Variants in PTPRU observed in about 807,000 individuals in gnomAD.
The protein encoded by PTPRU is receptor-type tyrosine-protein phosphatase U.
Under a neutral mutation model 166.3 loss-of-function variants are expected in PTPRU, and 69 were observed. The observed-to-expected ratio is 0.41, with a 90% CI of 0.34 to 0.51. The LOEUF (loss-of-function observed/expected upper bound fraction) is 0.51, where lower values mean the gene tolerates loss of function less well. PTPRU is among the 20% of genes least tolerant of loss of function. The probability of loss-of-function intolerance (pLI) is 0.09; values close to 1 mark genes in which losing one functional copy is unlikely to be tolerated. For synonymous variants in PTPRU, 793 were observed against 814.0 expected, an observed-to-expected ratio of 0.97 and a Z score of 0.44; for missense variants, 1,657 against 2,013.7, an observed-to-expected ratio of 0.82 and a Z score of 3.39.
At chr1:29,293,471 G>GTTT (rs201996423) in intron 15 of PTPRU, among the ~76,000 whole-genome samples, 36 of 135,348 alleles carry the variant, frequency 2.7e-4, no homozygotes, top group East Asian at 1.2e-3. Flanking sequence ...TTCGGGGGTA[G>GTTT]TTTTTTGTTT....
intron 11 of PTPRU, among the ~76,000 whole-genome samples, chr1:29,281,524 C>T (rs547587755): frequency 1.8e-4 from 28 of 152,260 alleles, no homozygotes; most frequent in Admixed American, 6.5e-4. Context: ...GGGCATGTCC[C>T]GTTACCTTCC....
At chr1:29,284,080 G>A (rs963509863) in intron 13 of PTPRU, 104 bp downstream of exon 13, 5 of 1,454,826 alleles carry the variant, frequency 3.4e-6, no homozygotes, top group Admixed American at 1.7e-5. Context: ...GTAGAGGAGG[G>A]TGGTTGGGCA....
chr1:29,259,570 C>A lies in PTPRU; in HGVS notation c.675+6C>A. On this transcript the variant is annotated splice_donor_region_variant and intron_variant, in intron 5 of 29. Transcript: ENST00000373779. The stretch of plus-strand genomic sequence containing the variant: ...CCGAACGCTTCCTCTTGCAAGTGAG[C>A]GGGAGCGGTGATCTTGGCTGGGGGC... The A allele has an allele frequency of 2.6e-6, 1 of 383,248 alleles. No individual in the cohort carries two copies. Among genetic ancestry groups the A allele is most frequent in the South Asian group, 2.1e-5 (1 of 48,440 alleles). 23.7% of individuals were successfully genotyped at this position (383,248 alleles called of 1,614,324 possible). A position where few individuals can be genotyped will look rare whatever the true frequency, so the allele number is the denominator to read the frequency against.
In PTPRU at chr1:29,317,534, G is replaced by A. The variant is rs562776399; in HGVS notation, c.3514-214G>A. 6.6e-6 allele frequency among the ~76,000 whole-genome samples: 1 copy of A among 152,330 alleles called. No homozygotes were observed. The highest frequency in any genetic ancestry group is 2.1e-4 in the South Asian group (1 of 4,826). On this transcript the variant is annotated intron_variant, in intron 24 of 29. Coordinates refer to ENST00000373779, the MANE Select transcript of PTPRU (RefSeq NM_133178.4). This position sits in a 1 kb window ranked among gnomAD's most constrained non-coding sequence, Gnocchi z 5.6. ...TTGTCTGAGGTTATGTGGGTGGCAA[G>A]GAGGTAGACTCTGGTCTCTAGAGCT... is the stretch of plus-strand genomic sequence containing the variant.
At position 29,311,301 on chromosome 1, in the gene PTPRU, G is replaced by C. The variant is rs546028485; in HGVS notation, c.2858-155G>C. On this transcript the variant is annotated intron_variant, in intron 19 of 29. Transcript: ENST00000373779. This position sits in a 1 kb window ranked among gnomAD's most constrained non-coding sequence, Gnocchi z 4.1. The stretch of plus-strand genomic sequence containing the variant: ...CAACCTCAGGGCCCTACAGGCATGC[G>C]TCAGCTGCAAGCTGGGTGTTGTGGG... The C allele has an allele frequency of 1.5e-4, 106 of 685,798 alleles. No individual in the cohort carries two copies. The African/African-American group carries it at 1.8e-3, about 11-fold the overall frequency. The allele number at this position is 685,798 out of a possible 1,614,324, so 42.5% of individuals were successfully genotyped here.
intron 14 of PTPRU, 87 bp downstream of exon 14, chr1:29,284,956 AG>A: frequency 6.7e-7 from 1 of 1,487,560 alleles, no homozygotes; most frequent in Non-Finnish European, 9.1e-7. Context: ...AAGAGCTGGT[AG>A]GGCAGCTGTC....
At position 29,271,406 on chromosome 1, in the gene PTPRU, G is replaced by A. The variant is rs1038953229; in HGVS notation, c.1145-4042G>A. Among the ~76,000 whole-genome samples the A allele has an allele frequency of 6.6e-6, 1 of 152,134 alleles. No individual in the cohort carries two copies. The highest frequency in any genetic ancestry group is 6.5e-5 in the Admixed American group (1 of 15,268). On this transcript the variant is annotated intron_variant, in intron 7 of 29. Coordinates refer to ENST00000373779, the MANE Select transcript of PTPRU (RefSeq NM_133178.4). This position sits in a 1 kb window ranked among gnomAD's most constrained non-coding sequence, Gnocchi z 4.4. ...GATCTGTCCAGATATGATCAGGGTA[G>A]GCAGGAAGAAAAAAGAAAAGTGGAC...
chr1:29,325,078 C>G, intron 28 of PTPRU, 113 bp from the exon 29 acceptor site: 1 of 1,424,374 alleles, frequency 7.0e-7, no homozygotes, highest in South Asian at 1.3e-5. Context: ...TCTAGATTCC[C>G]TAGCTCCGTC....
rs1490905370 is a variant in PTPRU at position 29,323,374 on chromosome 1, T to C, written c.3832T>C (p.Cys1278Arg). Reference sequence around the variant, plus strand: ...CCCTCTCCGTGCTTATGCCCAGCCCTGCCTGCAGTACTGGCCAGAGCCAGG... The same window carrying C: ...CCCTCTCCGTGCTTATGCCCAGCCCCGCCTGCAGTACTGGCCAGAGCCAGG... ...QLNQSNSAWP[C>R]LQYWPEPGRQ... Residue 1278 changes from cysteine to arginine, a missense_variant, in exon 27 of 30, where the codon TGC (cysteine) becomes CGC (arginine). This residue lies in a region of PTPRU where 1,190 missense variants were observed against 1,477.4 expected (regional missense o/e 0.81). Transcript: ENST00000373779. 1.9e-6 allele frequency: 3 copies of C among 1,606,406 alleles called. No individual in the cohort carries two copies. Among genetic ancestry groups the C allele is most frequent in the Non-Finnish European group, 2.5e-6 (3 of 1,176,608 alleles).
intron 1 of PTPRU, among the ~76,000 whole-genome samples, chr1:29,239,185 GCCC>G (rs1683924998): frequency 6.6e-6 from 1 of 152,166 alleles, no homozygotes; most frequent in African/African-American, 2.4e-5. Context: ...GAACTCAGAA[GCCC>G]AAGTAGAATA....
intron 1 of PTPRU, among the ~76,000 whole-genome samples, chr1:29,242,187 T>C (rs1684089241): frequency 1.3e-5 from 2 of 152,188 alleles, no homozygotes; most frequent in African/African-American, 4.8e-5. Context: ...CCACTGTGCC[T>C]GGCCTCATGT....
At position 29,317,652 on chromosome 1, in the gene PTPRU, G is replaced by T; in HGVS notation, c.3514-96G>T. 3 of 1,327,000 alleles carry T rather than the reference G, an allele frequency of 2.3e-6. No homozygotes were observed. Among genetic ancestry groups the T allele is most frequent in the Non-Finnish European group, 3.1e-6 (3 of 971,244 alleles). The allele number at this position is 1,327,000 out of a possible 1,614,324, so 82.2% of individuals were successfully genotyped here. ...ACCTCAGTTTCTCCATCCATAAAAT[G>T]GGATTAGTAACTCAGTCCAGCCTCC... On this transcript the variant is annotated intron_variant, in intron 24 of 29. Transcript: ENST00000373779. This position sits in a 1 kb window ranked among gnomAD's most constrained non-coding sequence, Gnocchi z 5.6.
intron 18 of PTPRU, among the ~76,000 whole-genome samples, chr1:29,309,537 T>G (rs1177057793): frequency 2.0e-5 from 3 of 152,184 alleles, no homozygotes; most frequent in African/African-American, 7.2e-5. Flanking sequence ...TGCTTCAGCT[T>G]TAAAATAGTA....
intron 22 of PTPRU, among the ~76,000 whole-genome samples, chr1:29,313,250 CCT>C (rs1687750389): frequency 6.6e-6 from 1 of 152,114 alleles, no homozygotes; most frequent in Non-Finnish European, 1.5e-5. Flanking sequence ...CCTGGCCTGC[CCT>C]CTGTCTCCCC....
At chr1:29,293,510 T>C (rs1189260681) in intron 15 of PTPRU, among the ~76,000 whole-genome samples, 4 of 149,306 alleles carry the variant, frequency 2.7e-5, no homozygotes, top group Non-Finnish European at 5.9e-5. Flanking sequence ...AGTCTCCCTC[T>C]GTCACCCAGG....
In PTPRU at chr1:29,303,947, A is replaced by T; in HGVS notation, c.2569A>T (p.Thr857Ser). The change falls in exon 16 of 30, where the codon ACG becomes TCG. Residue 857 changes from threonine to serine, a missense_variant. Around this residue, in one of 3 missense-constraint regions of PTPRU, gnomAD observed 1,190 missense variants for 1,477.4 expected, o/e 0.81. Coordinates refer to ENST00000373779, the MANE Select transcript of PTPRU (RefSeq NM_133178.4). ...TGGCCGGAAGGGCTCCCCATACCAC[A>T]CGGGGCAGCTGCACCCTGCGGTGCG... ...PCGRKGSPYHTGQLHPAVRVA... is the reference protein window; with the variant it reads ...PCGRKGSPYHSGQLHPAVRVA... 1 of 1,614,024 alleles carries T rather than the reference A, an allele frequency of 6.2e-7. No homozygotes were observed. Among genetic ancestry groups the T allele is most frequent in the South Asian group, 1.1e-5 (1 of 91,080 alleles).
intron 1 of PTPRU, among the ~76,000 whole-genome samples, chr1:29,243,491 C>A (rs541461104): frequency 4.1e-4 from 63 of 152,360 alleles, no homozygotes; most frequent in African/African-American, 1.5e-3. Flanking sequence ...ACCTCTCTAC[C>A]TTTGCACACA....
intron 18 of PTPRU, among the ~76,000 whole-genome samples, chr1:29,307,749 CTTTTTTTTTTTTT>C (rs201782011): frequency 1.7e-4 from 20 of 117,336 alleles, no homozygotes; most frequent in Non-Finnish European, 3.7e-4. Flanking sequence ...AAATATTATG[CTTTTTTTTTTTTT>C]TTTTTTTTTT....
Position 29,238,175 on chromosome 1 carries a change from T to A in PTPRU, c.73+1458T>A, listed in dbSNP as rs1402409029. ...CTGGTGTCTTTGGTGTGCGTGCGCG[T>A]GTGTGTGTGCGCGCAGCTGAATGTA... On this transcript the variant is annotated intron_variant, in intron 1 of 29. Coordinates refer to ENST00000373779, the MANE Select transcript of PTPRU (RefSeq NM_133178.4). This position sits in a 1 kb window ranked among gnomAD's most constrained non-coding sequence, Gnocchi z 6.1. Among the ~76,000 whole-genome samples, 1 of 151,228 alleles carries A rather than the reference T, an allele frequency of 6.6e-6. No individual in the cohort carries two copies. The highest frequency in any genetic ancestry group is 6.6e-5 in the Admixed American group (1 of 15,246).
Sources: allele counts gnomAD v4.1 joint callset (sites outside exome capture counted in the v4.1 genomes callset), GRCh38; gene constraint gnomAD v4.1.1; regional missense constraint gnomAD v4.1.1; non-coding constraint Gnocchi (gnomAD v3.1); transcripts MANE v1.5; gene names NCBI Gene and HGNC (gene_info 2026-07-23, HGNC 2026-07-21).